BMAL2: variants seen among roughly 807,000 people sequenced by gnomAD.
The protein encoded by BMAL2 is basic helix-loop-helix ARNT-like protein 2.
At chr12:27,369,765 G>A in the BMAL2 span, among the ~76,000 whole-genome samples, 1 of 152,226 alleles carries the variant, frequency 6.6e-6, no homozygotes. Flanking sequence ...GCACAGATGA[G>A]ACCTTGCAGT....
At chr12:27,362,189 G>T in the BMAL2 span, among the ~76,000 whole-genome samples, 9 of 152,084 alleles carry the variant, frequency 5.9e-5, no homozygotes, top group Non-Finnish European at 8.8e-5. Context: ...CTTTTGATTT[G>T]TCATTTGATG....
At chr12:27,383,933 G>A in the BMAL2 span, among the ~76,000 whole-genome samples, 2 of 151,992 alleles carry the variant, frequency 1.3e-5, no homozygotes, top group Admixed American at 6.6e-5. Context: ...CACTTACTTT[G>A]CCACCACCAC....
the BMAL2 span, among the ~76,000 whole-genome samples, chr12:27,382,778 C>T: frequency 3.3e-5 from 5 of 152,120 alleles, no homozygotes; most frequent in South Asian, 6.2e-4. Context: ...AGGTTAAAGG[C>T]AGAAGGATGG....
chr12:27,364,721 T>C, the BMAL2 span, among the ~76,000 whole-genome samples: 1 of 152,182 alleles, frequency 6.6e-6, no homozygotes, highest in African/African-American at 2.4e-5. Flanking sequence ...GAATTACACA[T>C]CTATTTTAGG....
the BMAL2 span, among the ~76,000 whole-genome samples, chr12:27,381,586 T>A: frequency 6.6e-6 from 1 of 152,082 alleles, no homozygotes; most frequent in African/African-American, 2.4e-5. Context: ...CATGATCCAG[T>A]CACCTCCCAC....
the BMAL2 span, among the ~76,000 whole-genome samples, chr12:27,353,406 A>G: frequency 7.2e-5 from 11 of 152,218 alleles, no homozygotes; most frequent in African/African-American, 2.7e-4. Flanking sequence ...CACTTCTTTC[A>G]CCATATACAA....
chr12:27,341,157 G>T, the BMAL2 span, among the ~76,000 whole-genome samples: 3 of 113,440 alleles, frequency 2.6e-5, no homozygotes, highest in Non-Finnish European at 4.6e-5. Context: ...AGTAAGAGTG[G>T]TAAGACAGGA....
chr12:27,359,415 A>T, the BMAL2 span, among the ~76,000 whole-genome samples: 1 of 152,182 alleles, frequency 6.6e-6, no homozygotes, highest in Non-Finnish European at 1.5e-5. Flanking sequence ...GGGGCTGGGC[A>T]TGGTGGCTCA....
At chr12:27,409,995 T>A in the BMAL2 span, among the ~76,000 whole-genome samples, 3 of 151,882 alleles carry the variant, frequency 2.0e-5, no homozygotes, top group Non-Finnish European at 4.4e-5. Context: ...CATGAAAAAA[T>A]GCTCATCATC....
At chr12:27,405,033 C>T in the BMAL2 span, among the ~76,000 whole-genome samples, 14 of 152,144 alleles carry the variant, frequency 9.2e-5, no homozygotes, top group South Asian at 6.2e-4. Context: ...AACTGCAAGG[C>T]GGCAGCGAGG....
chr12:27,381,859 G>A, the BMAL2 span, among the ~76,000 whole-genome samples: 1 of 152,168 alleles, frequency 6.6e-6, no homozygotes, highest in Non-Finnish European at 1.5e-5. Context: ...AGATCTAGAA[G>A]ATTATAGTGA....
chr12:27,389,064 T>C, the BMAL2 span: 1 of 778,572 alleles, frequency 1.3e-6, no homozygotes, highest in East Asian at 2.5e-5. Context: ...CGTGGACATA[T>C]CTTTGAGCTT....
chr12:27,359,194 A>G, the BMAL2 span, among the ~76,000 whole-genome samples: 1 of 152,190 alleles, frequency 6.6e-6, no homozygotes, highest in South Asian at 2.1e-4. Flanking sequence ...AATTGAAATA[A>G]TGGTAGAAAG....
At chr12:27,358,454 C>A in the BMAL2 span, among the ~76,000 whole-genome samples, 1 of 152,128 alleles carries the variant, frequency 6.6e-6, no homozygotes, top group African/African-American at 2.4e-5. Context: ...GGAATGTAAA[C>A]TAGTACAACC....
chr12:27,343,209 G>T, the BMAL2 span, among the ~76,000 whole-genome samples: 1 of 152,202 alleles, frequency 6.6e-6, no homozygotes, highest in Non-Finnish European at 1.5e-5. Context: ...TTTAAACACT[G>T]TATTTAACAT....
At chr12:27,387,586 GTC>G in the BMAL2 span, among the ~76,000 whole-genome samples, 1 of 152,082 alleles carries the variant, frequency 6.6e-6, no homozygotes, top group African/African-American at 2.4e-5. Flanking sequence ...GATTATACCT[GTC>G]TCTCAAGATG....
the BMAL2 span, among the ~76,000 whole-genome samples, chr12:27,408,458 T>C: frequency 6.6e-6 from 1 of 152,240 alleles, no homozygotes; most frequent in African/African-American, 2.4e-5. Flanking sequence ...TCAATAAATG[T>C]AATCCAGCAT....
At chr12:27,418,521 C>T in the BMAL2 span, among the ~76,000 whole-genome samples, 1 of 151,848 alleles carries the variant, frequency 6.6e-6, no homozygotes, top group Non-Finnish European at 1.5e-5. Context: ...AGGAGGATTG[C>T]TTGAGCCCAG....
chr12:27,416,715 C>T, the BMAL2 span, among the ~76,000 whole-genome samples: 1 of 152,098 alleles, frequency 6.6e-6, no homozygotes, highest in African/African-American at 2.4e-5. Flanking sequence ...CCCAGCTACT[C>T]AGGAGGCTGA....
Sources: gnomAD v4.1 joint callset for allele counts (sites outside exome capture counted in the v4.1 genomes callset) on GRCh38, gnomAD v4.1.1 for gene constraint, MANE v1.5 for transcripts, NCBI Gene and HGNC (gene_info 2026-07-23, HGNC 2026-07-21) for gene names.